The following EPB41L4A variants were observed in gnomAD, a reference collection of about 807,000 sequenced individuals.
The protein encoded by EPB41L4A is band 4.1-like protein 4A.
EPB41L4A carries 100 observed loss-of-function variants against 108.6 expected under a neutral mutation model. The observed-to-expected ratio is 0.92, with a 90% CI of 0.78 to 1.09. EPB41L4A has a LOEUF of 1.09. EPB41L4A is among the 50% of genes least tolerant of loss of function. EPB41L4A has a pLI of 0.00. For missense variants in EPB41L4A, 1,030 were observed against 842.7 expected (o/e 1.22, Z -2.75); for synonymous variants, 319 against 289.0 (o/e 1.10, Z -1.05).
intron 15 of EPB41L4A, among the ~76,000 whole-genome samples, chr5:112,204,148 A>T (rs1472721396): frequency 1.3e-5 from 2 of 151,812 alleles, no homozygotes; most frequent in Non-Finnish European, 2.9e-5. Flanking sequence ...AATAGAATAC[A>T]GAAAGCAAGT....
intron 1 of EPB41L4A, among the ~76,000 whole-genome samples, chr5:112,357,915 C>T (rs1758466737): frequency 6.6e-6 from 1 of 152,206 alleles, no homozygotes; most frequent in Non-Finnish European, 1.5e-5. Context: ...TTGTCAATAA[C>T]CAGGTGAACA....
Position 112,213,341 on chromosome 5 carries a change from G to GT in EPB41L4A, c.1088-3360dup, listed in dbSNP as rs773664218. On this transcript the variant is annotated intron_variant, in intron 12 of 22. Coordinates refer to ENST00000261486, the MANE Select transcript of EPB41L4A (RefSeq NM_022140.5). ...CTACTGTTCACTGTTAACATGTACAGTTTTTTTTTTTGTTTTTTTTTTTTT... is the reference window on the plus strand; with the variant it reads ...CTACTGTTCACTGTTAACATGTACAGTTTTTTTTTTTTGTTTTTTTTTTTTT... Among the ~76,000 whole-genome samples the GT allele has an allele frequency of 3.7e-3, 382 of 104,266 alleles. 1 individual carries two copies. Among genetic ancestry groups the GT allele is most frequent in the African/African-American group, 0.012 (304 of 25,252 alleles). 68.4% of individuals were successfully genotyped at this position (104,266 alleles called of 152,430 possible).
chr5:112,284,095 T>C (rs1450401049), intron 2 of EPB41L4A, among the ~76,000 whole-genome samples: 1 of 152,164 alleles, frequency 6.6e-6, no homozygotes, highest in Non-Finnish European at 1.5e-5. Context: ...GAACACCCTA[T>C]TGAAGTCAGT....
chr5:112,394,684 C>G (rs1206492035), intron 1 of EPB41L4A, among the ~76,000 whole-genome samples: 2 of 152,174 alleles, frequency 1.3e-5, no homozygotes, highest in Admixed American at 1.3e-4. Flanking sequence ...TTTGTAGATT[C>G]AATGCCATCC....
intron 7 of EPB41L4A, among the ~76,000 whole-genome samples, chr5:112,261,001 G>A (rs1751449218): frequency 6.6e-6 from 1 of 152,174 alleles, no homozygotes; most frequent in Admixed American, 6.5e-5. Flanking sequence ...TACAAATGTA[G>A]AAGCATTTTG....
At chr5:112,260,366 T>C (rs13183224) in intron 7 of EPB41L4A, among the ~76,000 whole-genome samples, 10,558 of 152,260 alleles carry the variant, frequency 0.069, 419 homozygotes, top group Middle Eastern at 0.088. Context: ...TCAGAATCTC[T>C]AATGAAGAGG....
At chr5:112,305,641 G>C (rs560925818) in intron 2 of EPB41L4A, among the ~76,000 whole-genome samples, 1 of 152,156 alleles carries the variant, frequency 6.6e-6, no homozygotes, top group Admixed American at 6.5e-5. Flanking sequence ...ATTATTCTCA[G>C]AGCCTCCTAC....
intron 13 of EPB41L4A, among the ~76,000 whole-genome samples, chr5:112,207,540 T>C (rs1762530333): frequency 6.6e-6 from 1 of 152,168 alleles, no homozygotes; most frequent in African/African-American, 2.4e-5. Flanking sequence ...AAAGGTCTAA[T>C]ATCCAGAATC....
intron 17 of EPB41L4A, among the ~76,000 whole-genome samples, chr5:112,186,356 T>C (rs538177854): frequency 9.5e-4 from 145 of 152,318 alleles, no homozygotes; most frequent in African/African-American, 3.3e-3. Flanking sequence ...GGAATTCAGC[T>C]GGCTACCCTC....
chr5:112,251,180 G>A (rs1750638790), intron 9 of EPB41L4A, among the ~76,000 whole-genome samples: 1 of 152,112 alleles, frequency 6.6e-6, no homozygotes, highest in African/African-American at 2.4e-5. Flanking sequence ...ATTGTAGTTG[G>A]AGACACAAAA....
At position 112,328,663 on chromosome 5, in the gene EPB41L4A, C is replaced by T. The variant is rs1024805368; in HGVS notation, c.100-21173G>A. ...GTTAACCCTCTGTAAGTAATCAATA[C>T]GCACCTAGAAGTTTTAATCAAATCA... On this transcript the variant is annotated intron_variant, in intron 1 of 22. Transcript: ENST00000261486. Among the ~76,000 whole-genome samples, 11 of 152,266 alleles carry T rather than the reference C, an allele frequency of 7.2e-5. No homozygotes were observed. The South Asian group carries it at 8.3e-4, about 12-fold the overall frequency.
intron 1 of EPB41L4A, among the ~76,000 whole-genome samples, chr5:112,348,590 G>C (rs368444907): frequency 6.6e-6 from 1 of 152,112 alleles, no homozygotes; most frequent in African/African-American, 2.4e-5. Context: ...GGTGGGGGAG[G>C]GGTGAGCTCA....
intron 12 of EPB41L4A, among the ~76,000 whole-genome samples, chr5:112,226,258 C>T (rs932908468): frequency 6.6e-6 from 1 of 152,094 alleles, no homozygotes; most frequent in African/African-American, 2.4e-5. Flanking sequence ...GGAGTAGTTC[C>T]GCTGATATTA....
intron 12 of EPB41L4A, among the ~76,000 whole-genome samples, chr5:112,216,496 A>T (rs2150325938): frequency 6.6e-6 from 1 of 152,336 alleles, no homozygotes; most frequent in East Asian, 1.9e-4. Flanking sequence ...ACAGCTAAAC[A>T]AGTAAAACAA....
intron 17 of EPB41L4A, among the ~76,000 whole-genome samples, chr5:112,189,380 T>G (rs559547587): frequency 7.9e-5 from 12 of 152,300 alleles, no homozygotes; most frequent in African/African-American, 2.9e-4. Context: ...ATGTGAGAAA[T>G]GAAGATTCAC....
At chr5:112,382,692 G>A (rs898285839) in intron 1 of EPB41L4A, among the ~76,000 whole-genome samples, 4 of 152,110 alleles carry the variant, frequency 2.6e-5, no homozygotes, top group African/African-American at 7.2e-5. Flanking sequence ...GAGGGTTGGG[G>A]GAACAGTCCC....
intron 12 of EPB41L4A, among the ~76,000 whole-genome samples, chr5:112,148,346 T>A (rs1207716976): frequency 1.3e-5 from 2 of 151,332 alleles, no homozygotes; most frequent in African/African-American, 2.4e-5. Context: ...TTCATATGGA[T>A]AAATGTGAAT....
chr5:112,159,483 ATAAT>A (rs944917390), downstream of EPB41L4A, among the ~76,000 whole-genome samples: 1 of 152,216 alleles, frequency 6.6e-6, no homozygotes, highest in Non-Finnish European at 1.5e-5. Flanking sequence ...TTTTGTGGTG[ATAAT>A]TAATCAACTC....
At chr5:112,222,343 C>T (rs1436485644) in intron 12 of EPB41L4A, among the ~76,000 whole-genome samples, 1 of 152,172 alleles carries the variant, frequency 6.6e-6, no homozygotes, top group African/African-American at 2.4e-5. Flanking sequence ...GGTTAGGATC[C>T]TGGCTTTGCG....
Sources: gnomAD v4.1 joint callset for allele counts (sites outside exome capture counted in the v4.1 genomes callset) on GRCh38, gnomAD v4.1.1 for gene constraint, MANE v1.5 for transcripts, NCBI Gene and HGNC (gene_info 2026-07-23, HGNC 2026-07-21) for gene names.